DIAPH2: variants seen among roughly 807,000 people sequenced by gnomAD.
DIAPH2 encodes the protein protein diaphanous homolog 2.
Under a neutral mutation model 92.7 loss-of-function variants are expected in DIAPH2, and 35 were observed. The ratio of observed to expected loss-of-function variants is 0.38; its 90% CI spans 0.29 to 0.50. DIAPH2 has a LOEUF of 0.50. Among genes scored for constraint, DIAPH2 ranks in the 20% least tolerant of loss-of-function variants. The pLI is 0.94. For missense variants in DIAPH2, 701 were observed against 819.5 expected (o/e 0.86, Z 1.77); for synonymous variants, 301 against 280.4 (o/e 1.07, Z -0.73).
chrX:97,017,582 A>G (rs2066269069), intron 17 of DIAPH2, among the ~76,000 whole-genome samples: 1 of 112,081 alleles, frequency 8.9e-6, no homozygotes, highest in Admixed American at 9.5e-5. Flanking sequence ...ATTGAAATAT[A>G]TGGTTTTTAA....
chrX:96,796,380 A>G (rs1240741045), intron 4 of DIAPH2, among the ~76,000 whole-genome samples: 1 of 111,071 alleles, frequency 9.0e-6, no homozygotes, highest in Non-Finnish European at 1.9e-5. Context: ...GGGTTGCACC[A>G]TGTTGGCTGG....
At chrX:97,494,115 A>G (rs1244898082) in intron 26 of DIAPH2, among the ~76,000 whole-genome samples, 1 of 38,196 alleles carries the variant, frequency 2.6e-5, no homozygotes, top group African/African-American at 8.0e-5. Context: ...ATATTTATAT[A>G]TATGTATATA....
chrX:96,903,233 A>G (rs1166340401), intron 5 of DIAPH2, among the ~76,000 whole-genome samples: 1 of 111,549 alleles, frequency 9.0e-6, no homozygotes, highest in African/African-American at 3.2e-5. Context: ...CAGGTGGTAT[A>G]TGCTAATGCC....
intron 26 of DIAPH2, among the ~76,000 whole-genome samples, chrX:97,551,329 C>G (rs2071217606): frequency 9.0e-6 from 1 of 111,253 alleles, no homozygotes; most frequent in African/African-American, 3.3e-5. Context: ...GTGGCTCATG[C>G]CTGTAATCCC....
At chrX:96,922,148 C>T (rs762221683) in intron 9 of DIAPH2, among the ~76,000 whole-genome samples, 17 of 111,290 alleles carry the variant, frequency 1.5e-4, no homozygotes, top group Non-Finnish European at 2.6e-4. Context: ...AATAACTTCC[C>T]TAGGGTCACA....
At chrX:96,759,524 A>C (rs1321446444) in intron 4 of DIAPH2, among the ~76,000 whole-genome samples, 1 of 111,903 alleles carries the variant, frequency 8.9e-6, no homozygotes, top group African/African-American at 3.2e-5. Flanking sequence ...AATTCTGATG[A>C]ATCTCTTCTC....
At chrX:97,059,638 A>G (rs767818022) in intron 17 of DIAPH2, among the ~76,000 whole-genome samples, 28 of 112,694 alleles carry the variant, frequency 2.5e-4, no homozygotes, top group Non-Finnish European at 4.5e-4. Context: ...CATGTGTTAC[A>G]TACTGTATTC....
intron 17 of DIAPH2, among the ~76,000 whole-genome samples, chrX:97,059,749 G>T (rs977301825): frequency 8.9e-6 from 1 of 111,861 alleles, no homozygotes; most frequent in Non-Finnish European, 1.9e-5. Flanking sequence ...CACCATAAAA[G>T]TCTTCATTCT....
At chrX:97,563,018 A>T (rs1301234313) in intron 26 of DIAPH2, among the ~76,000 whole-genome samples, 1 of 112,584 alleles carries the variant, frequency 8.9e-6, no homozygotes, top group Non-Finnish European at 1.9e-5. Flanking sequence ...TCCACAGGAA[A>T]ATTAGAATTC....
chrX:96,969,516 T>C (rs1347690943), intron 17 of DIAPH2, among the ~76,000 whole-genome samples: 2 of 109,587 alleles, frequency 1.8e-5, no homozygotes, highest in Non-Finnish European at 3.8e-5. Context: ...GATATTGTGT[T>C]CTTGTTTTGG....
At chrX:96,893,435 GTTGT>G (rs759692398) in intron 5 of DIAPH2, among the ~76,000 whole-genome samples, 50 of 111,147 alleles carry the variant, frequency 4.5e-4, no homozygotes, top group Non-Finnish European at 8.5e-4. Flanking sequence ...CTTTTGTGTT[GTTGT>G]TTGTTTGTTT....
intron 1 of DIAPH2, among the ~76,000 whole-genome samples, chrX:96,712,858 C>T (rs1338321958): frequency 9.0e-6 from 1 of 111,382 alleles, no homozygotes; most frequent in East Asian, 2.8e-4. Flanking sequence ...CGAAAGTTCT[C>T]AGGGAACTCA....
intron 15 of DIAPH2, 82 bp from the exon 16 acceptor site, chrX:96,957,746 A>G (rs1464753847): frequency 4.3e-6 from 3 of 697,463 alleles, no homozygotes; most frequent in African/African-American, 4.4e-5. Context: ...TAAATAAACT[A>G]CAAATATCTA....
At chrX:97,480,721 A>G (rs2070644961) in intron 26 of DIAPH2, among the ~76,000 whole-genome samples, 1 of 110,975 alleles carries the variant, frequency 9.0e-6, no homozygotes, top group Non-Finnish European at 1.9e-5. Context: ...TTAGGATCAC[A>G]TTTGTTATAA....
At chrX:96,953,757 T>G (rs1188182262) in intron 15 of DIAPH2, 2 of 112,096 alleles carry the variant, frequency 1.8e-5, no homozygotes, top group Admixed American at 1.9e-4. Flanking sequence ...TATCTGCAGT[T>G]CAGCCTTTTC....
chrX:97,340,187 G>T (rs181697419), intron 23 of DIAPH2, among the ~76,000 whole-genome samples: 41 of 111,623 alleles, frequency 3.7e-4, no homozygotes, highest in Non-Finnish European at 6.8e-4. Context: ...GCTGCTGATC[G>T]TACCAGTGCC....
intron 22 of DIAPH2, among the ~76,000 whole-genome samples, chrX:97,216,590 G>A (rs1324529920): frequency 9.0e-6 from 1 of 110,807 alleles, no homozygotes; most frequent in African/African-American, 3.3e-5. Flanking sequence ...ACAGGCATGA[G>A]CCACAGCACT....
intron 17 of DIAPH2, among the ~76,000 whole-genome samples, chrX:96,976,250 T>A (rs1490644276): frequency 2.8e-5 from 3 of 107,909 alleles, no homozygotes; most frequent in Non-Finnish European, 5.7e-5. Context: ...ATCACGCCGC[T>A]GCACTCCAGC....
chrX:96,744,940 A>G (rs776912949), intron 3 of DIAPH2, among the ~76,000 whole-genome samples: 138 of 110,407 alleles, frequency 1.2e-3, no homozygotes, highest in African/African-American at 4.3e-3. Context: ...GAGAACTACA[A>G]AGGTTTAGAC....
Sources: allele counts gnomAD v4.1 joint callset (sites outside exome capture counted in the v4.1 genomes callset), GRCh38; gene constraint gnomAD v4.1.1; transcripts MANE v1.5; gene names NCBI Gene and HGNC (gene_info 2026-07-23, HGNC 2026-07-21).